The following GPC5 variants were observed in gnomAD, a reference collection of about 807,000 sequenced individuals.
GPC5 encodes the protein glypican 5.
A neutral mutation model predicts 53.9 loss-of-function variants in GPC5; 47 were observed. That is an observed-to-expected ratio of 0.87 (90% CI 0.69 to 1.11). The LOEUF (loss-of-function observed/expected upper bound fraction) is 1.11, where lower values mean the gene tolerates loss of function less well. Ranked by LOEUF, GPC5 falls within the 50% of genes most tolerant of loss-of-function variation. The pLI is 0.00. For synonymous variants in GPC5, 286 were observed against 263.3 expected (o/e 1.09, Z -0.84); for missense variants, 748 against 713.1 (o/e 1.05, Z -0.56).
intron 6 of GPC5, among the ~76,000 whole-genome samples, chr13:92,078,770 A>C (rs867629569): frequency 6.6e-6 from 1 of 152,112 alleles, no homozygotes; most frequent in African/African-American, 2.4e-5. Flanking sequence ...ACTTACCATA[A>C]CGTGGGGAGG....
chr13:92,081,351 C>T (rs1221266611), intron 6 of GPC5, among the ~76,000 whole-genome samples: 1 of 152,178 alleles, frequency 6.6e-6, no homozygotes, highest in Admixed American at 6.5e-5. Context: ...ATCCGCCTGC[C>T]TTGGACTCCC....
intron 3 of GPC5, among the ~76,000 whole-genome samples, chr13:91,699,636 G>C (rs948399557): frequency 2.0e-5 from 3 of 152,168 alleles, no homozygotes; most frequent in Admixed American, 2.0e-4. Flanking sequence ...TAACAATTGA[G>C]AGCGGAAAAT....
intron 2 of GPC5, among the ~76,000 whole-genome samples, chr13:91,666,025 G>A (rs986266708): frequency 2.0e-5 from 3 of 152,176 alleles, no homozygotes; most frequent in African/African-American, 7.2e-5. Context: ...TTAACACGAT[G>A]CTCACTACTT....
chr13:92,000,425 G>T (rs1265053784), intron 6 of GPC5, among the ~76,000 whole-genome samples: 2 of 151,702 alleles, frequency 1.3e-5, no homozygotes. Context: ...TGTCCAAACT[G>T]GAGTATATTA....
At position 92,814,528 on chromosome 13, in the gene GPC5, G is replaced by A. The variant is rs140832917; in HGVS notation, c.1562-51754G>A. On this transcript the variant is annotated intron_variant, in intron 7 of 7. Transcript: ENST00000377067. ...ATACAAAAATTAGCCGGGCATGGTG[G>A]CAGAAGCTAGTAGTTCCAGCTATTT... is the stretch of plus-strand genomic sequence containing the variant. Among the ~76,000 whole-genome samples the A allele has an allele frequency of 8.8e-4, 134 of 151,796 alleles. No individual in the cohort carries two copies. In the East Asian group the frequency reaches 0.021, roughly 24 times the overall value.
At chr13:91,967,685 C>T (rs1015261137) in intron 6 of GPC5, among the ~76,000 whole-genome samples, 1 of 151,864 alleles carries the variant, frequency 6.6e-6, no homozygotes, top group African/African-American at 2.4e-5. Context: ...ATAATTTAAC[C>T]ATCAGCAATA....
chr13:92,809,819 AAAGT>A (rs1260093957), intron 7 of GPC5, among the ~76,000 whole-genome samples: 1 of 152,116 alleles, frequency 6.6e-6, no homozygotes, highest in Non-Finnish European at 1.5e-5. Flanking sequence ...TGGGTATATG[AAAGT>A]CCACCATTAT....
intron 6 of GPC5, among the ~76,000 whole-genome samples, chr13:91,917,896 G>A (rs916060717): frequency 2.0e-5 from 3 of 152,136 alleles, no homozygotes; most frequent in African/African-American, 2.4e-5. Context: ...TCCAAACTGT[G>A]TCAACCTCTG....
chr13:91,872,205 A>G (rs1594631603), intron 5 of GPC5, among the ~76,000 whole-genome samples: 1 of 152,124 alleles, frequency 6.6e-6, no homozygotes, highest in African/African-American at 2.4e-5. Context: ...TCCAGAGTGT[A>G]GGCTAAGGAG....
chr13:91,922,579 T>C (rs1477449569), intron 6 of GPC5, among the ~76,000 whole-genome samples: 1 of 152,220 alleles, frequency 6.6e-6, no homozygotes, highest in Non-Finnish European at 1.5e-5. Flanking sequence ...CTCTTAGTCA[T>C]TCGTTATGTC....
At chr13:92,309,870 G>T (rs552981480) in intron 7 of GPC5, among the ~76,000 whole-genome samples, 1 of 151,938 alleles carries the variant, frequency 6.6e-6, no homozygotes, top group South Asian at 2.1e-4. Context: ...GCTAAAACTT[G>T]GTGTCTTTTG....
chr13:92,705,155 A>G (rs1388097259), intron 7 of GPC5, among the ~76,000 whole-genome samples: 1 of 152,042 alleles, frequency 6.6e-6, no homozygotes, highest in African/African-American at 2.4e-5. Context: ...TGTCTTGCCA[A>G]CAAGCTCCAC....
chr13:92,561,198 TTTCTC>T (rs1390067290), intron 7 of GPC5, among the ~76,000 whole-genome samples: 1 of 151,904 alleles, frequency 6.6e-6, no homozygotes, highest in Non-Finnish European at 1.5e-5. Context: ...CCAAAGCAAT[TTTCTC>T]TTTTCAGTAA....
intron 4 of GPC5, among the ~76,000 whole-genome samples, chr13:91,750,236 C>T (rs577518309): frequency 1.1e-3 from 172 of 152,238 alleles, no homozygotes; most frequent in African/African-American, 4.1e-3. Context: ...GACATAGAGG[C>T]TTTGAATAAA....
At chr13:92,255,799 A>G (rs753555307) in intron 7 of GPC5, among the ~76,000 whole-genome samples, 2 of 151,926 alleles carry the variant, frequency 1.3e-5, no homozygotes, top group Non-Finnish European at 2.9e-5. Context: ...TTTTGTCATT[A>G]TTTTCCTTAT....
At chr13:92,702,967 G>A (rs116862466) in intron 7 of GPC5, among the ~76,000 whole-genome samples, 1,560 of 151,850 alleles carry the variant, frequency 0.01, 22 homozygotes, top group South Asian at 0.056. Flanking sequence ...GCTCAGATGG[G>A]AATTGTTCAG....
At chr13:92,089,383 C>T (rs2041361374) in intron 6 of GPC5, among the ~76,000 whole-genome samples, 1 of 152,144 alleles carries the variant, frequency 6.6e-6, no homozygotes, top group Non-Finnish European at 1.5e-5. Flanking sequence ...GCAGTGAGCC[C>T]AGATTGGGCC....
chr13:92,000,336 T>G (rs2040543579), intron 6 of GPC5, among the ~76,000 whole-genome samples: 1 of 152,138 alleles, frequency 6.6e-6, no homozygotes. Context: ...TATCCTTGTA[T>G]TTTTGAGACT....
intron 1 of GPC5, among the ~76,000 whole-genome samples, chr13:91,431,908 G>T (rs1879480871): frequency 6.6e-6 from 1 of 152,200 alleles, no homozygotes; most frequent in Non-Finnish European, 1.5e-5. Flanking sequence ...TCTTTAGTGT[G>T]TATAGATCAG....
Sources: allele counts gnomAD v4.1 joint callset (sites outside exome capture counted in the v4.1 genomes callset), GRCh38; gene constraint gnomAD v4.1.1; transcripts MANE v1.5; gene names NCBI Gene and HGNC (gene_info 2026-07-23, HGNC 2026-07-21).